Variants in GNG2 observed in about 807,000 individuals in gnomAD.
GNG2 encodes guanine nucleotide-binding protein G(I)/G(S)/G(O) subunit gamma-2.
A neutral mutation model predicts 5.5 loss-of-function variants in GNG2; 5 were observed. That is an observed-to-expected ratio of 0.91 (90% CI 0.48 to 1.92). The LOEUF (loss-of-function observed/expected upper bound fraction) is 1.92, where lower values mean the gene tolerates loss of function less well. Ranked by LOEUF, GNG2 falls within the 30% of genes most tolerant of loss-of-function variation. The pLI, the probability that GNG2 is intolerant of heterozygous loss-of-function variation, is 0.01. For missense variants in GNG2, 55 were observed against 88.4 expected (o/e 0.62, Z 1.52); for synonymous variants, 28 against 32.0 (o/e 0.88, Z 0.42).
chr14:51,907,571 T>C (rs1196549932), intron 2 of GNG2, among the ~76,000 whole-genome samples: 1 of 152,230 alleles, frequency 6.6e-6, no homozygotes, highest in Non-Finnish European at 1.5e-5. Flanking sequence ...CCCAGTGTTC[T>C]CTCCTTTTCT....
intron 2 of GNG2, among the ~76,000 whole-genome samples, chr14:51,928,858 C>T (rs1379219605): frequency 6.6e-6 from 1 of 151,840 alleles, no homozygotes; most frequent in Non-Finnish European, 1.5e-5. Context: ...CAGGCGTGAG[C>T]CACCGCGCCT....
intron 3 of GNG2, among the ~76,000 whole-genome samples, chr14:51,965,968 G>A (rs376912536): frequency 1.1e-4 from 17 of 152,048 alleles, no homozygotes; most frequent in African/African-American, 3.4e-4. Context: ...CAGCACTTTC[G>A]GAAGCCGAGA....
chr14:51,903,454 T>C (rs1289478734), intron 2 of GNG2, among the ~76,000 whole-genome samples: 7 of 152,230 alleles, frequency 4.6e-5, no homozygotes, highest in Non-Finnish European at 8.8e-5. Context: ...ATATTTAATA[T>C]GTGGTTTGAG....
intron 1 of GNG2, among the ~76,000 whole-genome samples, chr14:51,876,260 T>C (rs189089423): frequency 5.8e-4 from 88 of 152,078 alleles, no homozygotes; most frequent in African/African-American, 1.8e-3. Context: ...CTTGTATTCA[T>C]TGTTTTAAAA....
intron 1 of GNG2, among the ~76,000 whole-genome samples, chr14:51,865,027 C>A (rs908999225): frequency 6.6e-6 from 1 of 152,114 alleles, no homozygotes; most frequent in African/African-American, 2.4e-5. Flanking sequence ...CTGGGCAGAA[C>A]AATTAGCAGG....
At chr14:51,906,997 C>T (rs1247362943) in intron 2 of GNG2, among the ~76,000 whole-genome samples, 2 of 152,082 alleles carry the variant, frequency 1.3e-5, no homozygotes, top group African/African-American at 4.8e-5. Flanking sequence ...CCTCGTGATC[C>T]GCCTGCCTTG....
At chr14:51,922,539 A>C (rs1253671) in intron 2 of GNG2, among the ~76,000 whole-genome samples, 85,068 of 151,796 alleles carry the variant, frequency 0.56, 24,384 homozygotes, top group African/African-American at 0.67. Flanking sequence ...CCCCTACCAG[A>C]GGCTATCCAA....
intron 3 of GNG2, among the ~76,000 whole-genome samples, chr14:51,955,125 T>C (rs1043325028): frequency 2.0e-5 from 3 of 152,176 alleles, no homozygotes; most frequent in Admixed American, 6.5e-5. Flanking sequence ...GGTAAAATGA[T>C]TGCTTCTTAA....
chr14:51,963,160 C>T (rs1203622061), intron 3 of GNG2, among the ~76,000 whole-genome samples: 1 of 152,126 alleles, frequency 6.6e-6, no homozygotes, highest in African/African-American at 2.4e-5. Context: ...GGAGCATTGC[C>T]CACAGGAGAT....
intron 2 of GNG2, among the ~76,000 whole-genome samples, chr14:51,891,713 G>A (rs1424615718): frequency 6.6e-6 from 1 of 152,130 alleles, no homozygotes. Context: ...TATGTTTTGA[G>A]ATTCATCCAG....
chr14:51,903,018 A>T (rs1885666763), intron 2 of GNG2, among the ~76,000 whole-genome samples: 1 of 152,252 alleles, frequency 6.6e-6, no homozygotes, highest in Non-Finnish European at 1.5e-5. Context: ...ATAAGCAATC[A>T]GGGATACTTA....
At chr14:51,909,320 G>A (rs988683494) in intron 2 of GNG2, among the ~76,000 whole-genome samples, 1 of 151,972 alleles carries the variant, frequency 6.6e-6, no homozygotes. Flanking sequence ...AATTCTTCAG[G>A]GCAAATCTTC....
At chr14:51,876,141 G>A (rs1883648653) in intron 1 of GNG2, among the ~76,000 whole-genome samples, 1 of 152,034 alleles carries the variant, frequency 6.6e-6, no homozygotes, top group Non-Finnish European at 1.5e-5. Context: ...GTCTCGCTCT[G>A]TTGCCCAGGC....
intron 2 of GNG2, among the ~76,000 whole-genome samples, chr14:51,914,565 T>A (rs987598569): frequency 6.6e-6 from 1 of 152,196 alleles, no homozygotes; most frequent in Admixed American, 6.6e-5. Flanking sequence ...CTAGACCACA[T>A]GAGTAATGTG....
At chr14:51,915,925 A>T (rs1886592132) in intron 2 of GNG2, among the ~76,000 whole-genome samples, 1 of 152,188 alleles carries the variant, frequency 6.6e-6, no homozygotes, top group Admixed American at 6.5e-5. Context: ...TTCAGGTAAC[A>T]ATATTTGCTG....
At chr14:51,914,077 T>C (rs1886457213) in intron 2 of GNG2, 1 of 602,836 alleles carries the variant, frequency 1.7e-6, no homozygotes, top group South Asian at 2.0e-5. Context: ...AGGTGTTTTG[T>C]TTGCTTGCTT....
intron 1 of GNG2, among the ~76,000 whole-genome samples, chr14:51,874,948 G>GT (rs954174616): frequency 6.6e-6 from 1 of 151,850 alleles, no homozygotes; most frequent in African/African-American, 2.4e-5. Context: ...ACTTAACTTA[G>GT]TTTTTTTCTG....
intron 2 of GNG2, chr14:51,914,197 C>G (rs1436394244): frequency 1.4e-6 from 1 of 701,960 alleles, no homozygotes; most frequent in Non-Finnish European, 2.6e-6. Context: ...CACTCTGATT[C>G]TAGCTGGAGG....
At chr14:51,836,232 C>T (rs570918638) in intron 2 of GNG2, among the ~76,000 whole-genome samples, 28 of 152,172 alleles carry the variant, frequency 1.8e-4, no homozygotes, top group African/African-American at 5.3e-4. Context: ...GCAAAGACCT[C>T]ACCTCCAAAT....
Sources: gnomAD v4.1 joint callset for allele counts (sites outside exome capture counted in the v4.1 genomes callset) on GRCh38, gnomAD v4.1.1 for gene constraint, MANE v1.5 for transcripts, NCBI Gene and HGNC (gene_info 2026-07-23, HGNC 2026-07-21) for gene names.